THSD7B: variants seen among roughly 807,000 people sequenced by gnomAD.
THSD7B encodes thrombospondin type-1 domain-containing protein 7B.
THSD7B carries 138 observed loss-of-function variants against 213.6 expected under a neutral mutation model. The ratio of observed to expected loss-of-function variants is 0.65; its 90% CI spans 0.56 to 0.74. THSD7B has a LOEUF of 0.74. Ranked by LOEUF, THSD7B falls within the 30% of genes least tolerant of loss-of-function variation. THSD7B has a pLI of 0.00. For missense variants in THSD7B, 1,931 were observed against 1,991.5 expected, an observed-to-expected ratio of 0.97 and a Z score of 0.58; for synonymous variants, 742 against 687.0, an observed-to-expected ratio of 1.08 and a Z score of -1.25.
chr2:137,235,025 G>C (rs1681733731), intron 9 of THSD7B, among the ~76,000 whole-genome samples: 1 of 152,092 alleles, frequency 6.6e-6, no homozygotes, highest in African/African-American at 2.4e-5. Flanking sequence ...TTGGACCAAT[G>C]AATCAATGGA....
At chr2:137,357,009 A>G (rs1181291361) in intron 12 of THSD7B, among the ~76,000 whole-genome samples, 1 of 143,892 alleles carries the variant, frequency 6.9e-6, no homozygotes, top group Non-Finnish European at 1.5e-5. Flanking sequence ...CACACACTTT[A>G]ACCTCCTTGG....
At chr2:137,375,254 A>G (rs1685627266) in intron 12 of THSD7B, among the ~76,000 whole-genome samples, 1 of 152,188 alleles carries the variant, frequency 6.6e-6, no homozygotes, top group African/African-American at 2.4e-5. Flanking sequence ...AGGCAGTTTT[A>G]TACTTAGCTA....
At chr2:137,059,863 G>A (rs1167037905) in intron 3 of THSD7B, among the ~76,000 whole-genome samples, 5 of 152,222 alleles carry the variant, frequency 3.3e-5, no homozygotes, top group Middle Eastern at 3.4e-3. Context: ...TGTGAACATA[G>A]GTTTTCAAGT....
intron 21 of THSD7B, among the ~76,000 whole-genome samples, chr2:137,651,352 G>T (rs536364660): frequency 6.6e-6 from 1 of 151,974 alleles, no homozygotes; most frequent in African/African-American, 2.4e-5. Context: ...TCTTCAAATT[G>T]TTGGCATTTG....
chr2:137,327,988 A>G (rs1385944375), intron 12 of THSD7B, among the ~76,000 whole-genome samples: 1 of 152,196 alleles, frequency 6.6e-6, no homozygotes, highest in Non-Finnish European at 1.5e-5. Flanking sequence ...ACTGAGGCAA[A>G]GAATTACAAA....
intron 15 of THSD7B, among the ~76,000 whole-genome samples, chr2:137,540,010 T>TA (rs1169847824): frequency 6.6e-6 from 1 of 151,620 alleles, no homozygotes; most frequent in Non-Finnish European, 1.5e-5. Flanking sequence ...ATATAAAAAC[T>TA]AAAAAACTAA....
chr2:137,563,503 A>G, intron 16 of THSD7B, 149 bp downstream of exon 16: 1 of 1,113,376 alleles, frequency 9.0e-7, no homozygotes. Flanking sequence ...TCATTGAAAT[A>G]AGTGCATCCT....
chr2:137,412,588 ACT>A (rs1233406488), intron 14 of THSD7B, among the ~76,000 whole-genome samples: 2 of 135,490 alleles, frequency 1.5e-5, no homozygotes, highest in Non-Finnish European at 3.1e-5. Context: ...CGAGAGCAAA[ACT>A]CTGTCTCAAA....
chr2:137,331,774 G>A (rs904494350), intron 12 of THSD7B, among the ~76,000 whole-genome samples: 2 of 152,218 alleles, frequency 1.3e-5, no homozygotes, highest in Admixed American at 6.5e-5. Flanking sequence ...GCTAAGGCTC[G>A]GTGAGAAATC....
At chr2:137,374,269 C>T (rs1219796681) in intron 12 of THSD7B, among the ~76,000 whole-genome samples, 2 of 152,138 alleles carry the variant, frequency 1.3e-5, no homozygotes, top group East Asian at 3.9e-4. Context: ...CACTTTTATT[C>T]TGTGATGTAA....
chr2:137,405,599 A>C lies in THSD7B; in HGVS notation c.2501-14A>C. 6.3e-7 allele frequency: 1 copy of C among 1,579,634 alleles called. No individual in the cohort carries two copies. The highest frequency in any genetic ancestry group is 1.8e-5 in the Admixed American group (1 of 54,138). On this transcript the variant is annotated splice_polypyrimidine_tract_variant and intron_variant, in intron 12 of 27. Transcript: ENST00000409968. ...AATCAAAATAATAACAAAAGAATTC[A>C]TGCTTTTTTTCAGCTGTCTCATGCA...
At chr2:137,564,182 T>C (rs2105225146) in intron 16 of THSD7B, among the ~76,000 whole-genome samples, 1 of 152,320 alleles carries the variant, frequency 6.6e-6, no homozygotes, top group African/African-American at 2.4e-5. Flanking sequence ...AAATGGACAG[T>C]CAGTGTCTAA....
chr2:137,470,233 A>G (rs901267845), intron 15 of THSD7B, among the ~76,000 whole-genome samples: 3 of 152,224 alleles, frequency 2.0e-5, no homozygotes, highest in African/African-American at 7.2e-5. Context: ...TATGGGAAGC[A>G]GATTAACTCA....
At chr2:137,142,301 A>G (rs1358243283) in intron 5 of THSD7B, among the ~76,000 whole-genome samples, 3 of 152,128 alleles carry the variant, frequency 2.0e-5, no homozygotes, top group African/African-American at 7.2e-5. Flanking sequence ...GGAGAGGGCA[A>G]ACCCACTCCC....
intron 1 of THSD7B, among the ~76,000 whole-genome samples, chr2:136,836,000 C>T (rs1682835443): frequency 1.3e-5 from 2 of 152,250 alleles, no homozygotes; most frequent in Non-Finnish European, 1.5e-5. Context: ...ATCTTTGTTT[C>T]CGAAAACAGC....
chr2:137,334,462 T>C (rs1348638957), intron 12 of THSD7B, among the ~76,000 whole-genome samples: 1 of 152,116 alleles, frequency 6.6e-6, no homozygotes. Context: ...CCTCAATCCT[T>C]TCTGTCACCT....
rs1558859093 is a variant in THSD7B at position 137,611,012 on chromosome 2, A to AAATAAT, written c.3424-5161_3424-5160insTAATAA. 6.3e-3 allele frequency among the ~76,000 whole-genome samples: 944 copies of AAATAAT among 149,198 alleles called. 14 individuals carry two copies. The highest frequency in any genetic ancestry group is 0.022 in the African/African-American group (905 of 41,098). On this transcript the variant is annotated intron_variant, in intron 17 of 27. Coordinates refer to ENST00000409968, the MANE Select transcript of THSD7B (RefSeq NM_001316349.2). ...GTATAATAATAATAATAATAAATAA[A>AAATAAT]AAATAAAATAAAAAATAAAAAAGTT...
intron 3 of THSD7B, among the ~76,000 whole-genome samples, chr2:137,085,434 T>G (rs1040073688): frequency 6.6e-6 from 1 of 152,106 alleles, no homozygotes; most frequent in Non-Finnish European, 1.5e-5. Context: ...AATATTTTAT[T>G]ATTGTCAATT....
chr2:137,525,156 A>G (rs1300287889), intron 15 of THSD7B, among the ~76,000 whole-genome samples: 1 of 152,216 alleles, frequency 6.6e-6, no homozygotes, highest in Non-Finnish European at 1.5e-5. Context: ...GTGGAACCAC[A>G]CATGAATATT....
Sources: allele counts gnomAD v4.1 joint callset (sites outside exome capture counted in the v4.1 genomes callset), GRCh38; gene constraint gnomAD v4.1.1; transcripts MANE v1.5; gene names NCBI Gene and HGNC (gene_info 2026-07-23, HGNC 2026-07-21).